The following ACAP2 variants were observed in gnomAD, a reference collection of about 807,000 sequenced individuals.
The protein encoded by ACAP2 is ArfGAP with coiled-coil, ankyrin repeat and PH domains 2, also known as arf-GAP with coiled-coil, ANK repeat and PH domain-containing protein 2.
Under a neutral mutation model 115.8 loss-of-function variants are expected in ACAP2, and 39 were observed. That is an observed-to-expected ratio of 0.34 (90% confidence interval 0.26 to 0.44). The LOEUF is 0.44. Ranked by LOEUF, ACAP2 falls within the 20% of genes least tolerant of loss-of-function variation. The probability of loss-of-function intolerance (pLI) is 1.00; values close to 1 mark genes in which losing one functional copy is unlikely to be tolerated. For synonymous variants in ACAP2, 289 were observed against 315.8 expected (o/e 0.92, Z 0.90); for missense variants, 662 against 927.6 (o/e 0.71, Z 3.72).
chr3:195,407,200 TAAAA>T (rs10576564), intron 1 of ACAP2, among the ~76,000 whole-genome samples: 5 of 143,076 alleles, frequency 3.5e-5, no homozygotes, highest in East Asian at 2.0e-4. Flanking sequence ...ATTTTTAGTT[TAAAA>T]AAAAAAAAAA....
At chr3:195,391,506 G>GT (rs1734675579) in intron 2 of ACAP2, among the ~76,000 whole-genome samples, 1 of 151,880 alleles carries the variant, frequency 6.6e-6, no homozygotes, top group Admixed American at 6.6e-5. Context: ...GATTACAGGC[G>GT]TGAGCCACCA....
chr3:195,427,947 GTGTC>G (rs1714805442), intron 1 of ACAP2, among the ~76,000 whole-genome samples: 1 of 150,736 alleles, frequency 6.6e-6, no homozygotes, highest in Non-Finnish European at 1.5e-5. Context: ...ATATGTGCTT[GTGTC>G]TGTATGTATA....
At position 195,299,387 on chromosome 3, in the gene ACAP2, T is replaced by C. The variant is rs112426929; in HGVS notation, c.1396-2106A>G. On this transcript the variant is annotated intron_variant, in intron 15 of 22. Transcript: ENST00000326793. ...GAGTTCAAGAACAGCCTTTGCAACA[T>C]GGCAATACCCCGTCTCTACAAAAAA... Among the ~76,000 whole-genome samples, 92 of 140,516 alleles carry C rather than the reference T, an allele frequency of 6.5e-4. 1 individual carries two copies. The highest frequency in any genetic ancestry group is 2.3e-3 in the African/African-American group (88 of 37,488). 92.2% of individuals were successfully genotyped at this position (140,516 alleles called of 152,430 possible).
chr3:195,416,711 T>C (rs1455594827), intron 1 of ACAP2, among the ~76,000 whole-genome samples: 5 of 152,206 alleles, frequency 3.3e-5, no homozygotes, highest in Non-Finnish European at 7.3e-5. Context: ...TATTTTCTTA[T>C]AATGAATTTC....
rs1184232429 is a variant in ACAP2, at chr3:195,337,936, C to CGGGGCCACTCCCACCTCAACCTGAGCCT, written c.529-988_529-961dup. On this transcript the variant is annotated intron_variant, in intron 6 of 22. Coordinates refer to ENST00000326793, the MANE Select transcript of ACAP2 (RefSeq NM_012287.6). ...GGCCACTCCCACCTCAACCTGAGCC[C>CGGGGCCACTCCCACCTCAACCTGAGCCT]GGGGCCACTCCCACCTCAACCTGAG... Among the ~76,000 whole-genome samples, 698 of 150,360 alleles carry CGGGGCCACTCCCACCTCAACCTGAGCCT rather than the reference C, an allele frequency of 4.6e-3. 8 individuals are homozygous for CGGGGCCACTCCCACCTCAACCTGAGCCT. The highest frequency in any genetic ancestry group is 0.016 in the African/African-American group (653 of 40,126).
Position 195,441,347 on chromosome 3 carries a change from T to C in ACAP2, c.53+1448A>G, listed in dbSNP as rs895568823. On this transcript the variant is annotated intron_variant, in intron 1 of 22. Transcript: ENST00000326793. The stretch of plus-strand genomic sequence containing the variant: ...ACGCCTGTCCTAGGAAATCTATTTG[T>C]GTCTCTTGAGTCCTTCAATAATGCA... 5.9e-5 allele frequency among the ~76,000 whole-genome samples: 9 copies of C among 152,378 alleles called. No homozygotes were observed. In the South Asian group the frequency reaches 1.2e-3, roughly 21 times the overall value.
chr3:195,325,537 A>G (rs1729738752), intron 9 of ACAP2: 1 of 400,426 alleles, frequency 2.5e-6, no homozygotes, highest in African/African-American at 2.1e-5. Context: ...AAAGGAAAAC[A>G]GTTGAATATT....
intron 1 of ACAP2, among the ~76,000 whole-genome samples, chr3:195,433,062 T>C (rs1283811098): frequency 6.6e-6 from 1 of 152,188 alleles, no homozygotes; most frequent in East Asian, 1.9e-4. Context: ...TCCCTTGGTA[T>C]CCATAGGACA....
At chr3:195,380,189 T>C (rs578227042) in intron 4 of ACAP2, among the ~76,000 whole-genome samples, 4 of 152,276 alleles carry the variant, frequency 2.6e-5, no homozygotes, top group Admixed American at 6.5e-5. Context: ...TACTTGTACA[T>C]GTCAATATTA....
rs1006961076 is a variant in ACAP2, at chr3:195,275,024, T to C, written c.*4304A>G. The C allele has an allele frequency of 1.3e-5, 2 of 152,620 alleles. No individual in the cohort carries two copies. Among genetic ancestry groups the C allele is most frequent in the African/African-American group, 4.8e-5 (2 of 41,452 alleles). The allele number at this position is 152,620 out of a possible 1,614,324, so 9.5% of individuals were successfully genotyped here. ...TAATAAGTCTTTATGACTGGAATGA[T>C]CCAGAAATATCACAAAGCATGAGTA... is the stretch of plus-strand genomic sequence containing the variant. On this transcript the variant is annotated 3_prime_UTR_variant, in exon 23 of 23. Coordinates refer to ENST00000326793, the MANE Select transcript of ACAP2 (RefSeq NM_012287.6).
rs569917691 is a variant in ACAP2 at position 195,423,146 on chromosome 3, C to T, written c.53+19649G>A. ...TTTTACGAGCTGCAGGTCAAACTTTCAAATGATTCAGAAAAAAAAAAGTAC... is the reference window on the plus strand; with the variant it reads ...TTTTACGAGCTGCAGGTCAAACTTTTAAATGATTCAGAAAAAAAAAAGTAC... On this transcript the variant is annotated intron_variant, in intron 1 of 22. Transcript: ENST00000326793. Among the ~76,000 whole-genome samples, 25 of 151,548 alleles carry T rather than the reference C, an allele frequency of 1.6e-4. 1 individual carries two copies. Among genetic ancestry groups the T allele is most frequent in the South Asian group, 1.0e-3 (5 of 4,806 alleles).
intron 18 of ACAP2, 57 bp downstream of exon 18, chr3:195,294,662 C>T: frequency 1.4e-6 from 1 of 734,058 alleles, no homozygotes; most frequent in Non-Finnish European, 2.1e-6. Flanking sequence ...TAAACATTTA[C>T]CACATGCACT....
chr3:195,363,209 AAAATT>A (rs1351430987), intron 4 of ACAP2, among the ~76,000 whole-genome samples: 1 of 152,252 alleles, frequency 6.6e-6, no homozygotes, highest in African/African-American at 2.4e-5. Context: ...TGCTACAAAT[AAAATT>A]AAATACTTAG....
chr3:195,442,688 G>T (rs1007441628), intron 1 of ACAP2, 107 bp downstream of exon 1: 3 of 1,225,678 alleles, frequency 2.4e-6, no homozygotes, highest in South Asian at 1.5e-5. Context: ...TCGCCCCGTC[G>T]GAAGGAGCGG....
At chr3:195,312,834 CTT>C (rs1401896874) in intron 10 of ACAP2, 1 of 152,124 alleles carries the variant, frequency 6.6e-6, no homozygotes, top group African/African-American at 2.4e-5. Flanking sequence ...CATAAAGAGA[CTT>C]TTCATCCATT....
intron 1 of ACAP2, among the ~76,000 whole-genome samples, chr3:195,399,265 G>A (rs1224339426): frequency 2.6e-5 from 4 of 152,196 alleles, no homozygotes; most frequent in Non-Finnish European, 5.9e-5. Context: ...AAGACAAGGA[G>A]TATGAATATA....
At chr3:195,325,414 ATTTTTTT>A (rs746254101) in intron 9 of ACAP2, 228 of 321,172 alleles carry the variant, frequency 7.1e-4, no homozygotes, top group Middle Eastern at 1.9e-3. Flanking sequence ...TAGTGGACTG[ATTTTTTT>A]TTTTTTTTTT....
In ACAP2 at chr3:195,442,896, G is replaced by A; in HGVS notation, c.-49C>T. The stretch of plus-strand genomic sequence containing the variant: ...GCTGGCAAAGCCGAGGGGGCCGCGG[G>A]AGCGGCCGCGCTGGGACGCAGACGG... On this transcript the variant is annotated 5_prime_UTR_variant, in exon 1 of 23. Transcript: ENST00000326793. 1 of 1,479,864 alleles carries A rather than the reference G, an allele frequency of 6.8e-7. No homozygotes were observed. The highest frequency in any genetic ancestry group is 1.3e-5 in the South Asian group (1 of 77,778). The allele number at this position is 1,479,864 out of a possible 1,614,324, so 91.7% of individuals were successfully genotyped here.
intron 1 of ACAP2, among the ~76,000 whole-genome samples, chr3:195,408,883 A>G (rs1713010231): frequency 6.6e-6 from 1 of 152,228 alleles, no homozygotes; most frequent in South Asian, 2.1e-4. Flanking sequence ...TAAAAATCAT[A>G]CTGACAAAAT....
Sources: gnomAD v4.1 joint callset for allele counts (sites outside exome capture counted in the v4.1 genomes callset) on GRCh38, gnomAD v4.1.1 for gene constraint, MANE v1.5 for transcripts, NCBI Gene and HGNC (gene_info 2026-07-23, HGNC 2026-07-21) for gene names.